Variants in CYP4V2 observed in about 807,000 individuals in gnomAD.
The protein encoded by CYP4V2 is cytochrome P450 4V2.
In CYP4V2, 55 loss-of-function variants were observed where a neutral mutation model predicts 60.8. The observed-to-expected ratio is 0.90, with a 90% confidence interval of 0.73 to 1.13. The LOEUF (loss-of-function observed/expected upper bound fraction) is 1.13, where lower values mean the gene tolerates loss of function less well. CYP4V2 is among the 50% of genes most tolerant of loss of function. CYP4V2 has a pLI of 0.00. For synonymous variants in CYP4V2, 239 were observed against 236.8 expected (o/e 1.01, Z -0.08); for missense variants, 675 against 662.9 (o/e 1.02, Z -0.20).
rs72646286 is a variant in CYP4V2, at chr4:186,206,383, G to A, written c.1090+1081G>A. Among the ~76,000 whole-genome samples the A allele has an allele frequency of 9.6e-3, 1,468 of 152,288 alleles. 8 individuals carry two copies. Among genetic ancestry groups the A allele is most frequent in the Non-Finnish European group, 0.016 (1,083 of 68,030 alleles). On this transcript the variant is annotated intron_variant, in intron 8 of 10. Transcript: ENST00000378802. ...CCAAATAGGGTAACATTTACAGATT[G>A]CAGGGATTAAGACCTGATATTTTGG...
chr4:186,193,813 C>T (rs779391827), intron 1 of CYP4V2, among the ~76,000 whole-genome samples: 4 of 152,212 alleles, frequency 2.6e-5, no homozygotes, highest in South Asian at 2.1e-4. Context: ...TTTCATTTTG[C>T]GGCTAATGTC....
At chr4:186,201,393 T>C (rs1285687344) in intron 7 of CYP4V2, 51 bp downstream of exon 7, 2 of 1,576,462 alleles carry the variant, frequency 1.3e-6, no homozygotes, top group African/African-American at 2.7e-5. Flanking sequence ...TCAGTTATTG[T>C]TAGAATCTTT....
At position 186,212,293 on chromosome 4, in the gene CYP4V2, T is replaced by G; in HGVS notation, c.*1652T>G. 6.6e-6 allele frequency: 1 copy of G among 152,200 alleles called. No individual in the cohort carries two copies. Among genetic ancestry groups the G allele is most frequent in the East Asian group, 1.9e-4 (1 of 5,190 alleles). 9.4% of individuals were successfully genotyped at this position (152,200 alleles called of 1,614,324 possible). On this transcript the variant is annotated 3_prime_UTR_variant, in exon 11 of 11. Transcript: ENST00000378802. ...GCATACTTTTGGGATTCTTCCATCT[T>G]TAAAGGAAAAAGGAAGCCATTCATC...
intron 6 of CYP4V2, among the ~76,000 whole-genome samples, chr4:186,200,369 A>G (rs1387241733): frequency 2.0e-5 from 3 of 152,202 alleles, no homozygotes; most frequent in Admixed American, 2.0e-4. Context: ...ATATCTAGTG[A>G]GTATTTGTTA....
Position 186,213,378 on chromosome 4 carries a change from A to C in CYP4V2, c.*2737A>C, listed in dbSNP as rs910731210. On this transcript the variant is annotated 3_prime_UTR_variant, in exon 11 of 11. Coordinates refer to ENST00000378802, the MANE Select transcript of CYP4V2 (RefSeq NM_207352.4). ...CATTTTATTCTAAGAATTGATATCA[A>C]TTCAAAACATAGAAAACTGTAAAAG... 2 of 152,248 alleles carry C rather than the reference A, an allele frequency of 1.3e-5. No individual in the cohort carries two copies. The highest frequency in any genetic ancestry group is 2.9e-5 in the Non-Finnish European group (2 of 68,048). The allele number at this position is 152,248 out of a possible 1,614,324, so 9.4% of individuals were successfully genotyped here.
At chr4:186,193,183 C>T (rs903006854) in intron 1 of CYP4V2, among the ~76,000 whole-genome samples, 4 of 152,194 alleles carry the variant, frequency 2.6e-5, no homozygotes, top group African/African-American at 9.7e-5. Context: ...CTAACCACCC[C>T]TTTTGTCCTA....
chr4:186,197,498 G>C, intron 4 of CYP4V2, 35 bp from the exon 5 acceptor site: 1 of 1,604,026 alleles, frequency 6.2e-7, no homozygotes, highest in Non-Finnish European at 8.5e-7. Context: ...TAACGTGCGT[G>C]AATTGAATGG....
intron 2 of CYP4V2, among the ~76,000 whole-genome samples, 170 bp downstream of exon 2, chr4:186,194,782 G>T (rs180728307): frequency 6.6e-6 from 1 of 152,170 alleles, no homozygotes; most frequent in African/African-American, 2.4e-5. Context: ...GGTATAGCCC[G>T]AATCCTGGGA....
In CYP4V2 at chr4:186,208,957, G is replaced by T. The variant is rs1156934085; in HGVS notation, c.1183G>T (p.Val395Phe). The T allele has an allele frequency of 1.4e-5, 23 of 1,614,034 alleles. No homozygotes were observed. Among genetic ancestry groups the T allele is most frequent in the Non-Finnish European group, 1.9e-5 (23 of 1,180,028 alleles). Residue 395 changes from valine to phenylalanine, a missense_variant, in exon 9 of 11, where the codon GTT becomes TTT. Val to Phe is a conservative substitution (Grantham distance 50, BLOSUM62 -1). Coordinates refer to ENST00000378802, the MANE Select transcript of CYP4V2 (RefSeq NM_207352.4). ...GGAGACCCTTCGCCTTTTTCCTTCT[G>T]TTCCTTTATTTGCCCGTAGTGTTAG... ...IKETLRLFPS[V>F]PLFARSVSED...
intron 7 of CYP4V2, chr4:186,202,759 C>T (rs1287846773): frequency 2.1e-5 from 2 of 95,092 alleles, no homozygotes; most frequent in African/African-American, 7.7e-5. Context: ...CACATACATG[C>T]ACACACAAAC....
intron 6 of CYP4V2, among the ~76,000 whole-genome samples, chr4:186,199,825 C>T (rs1228260485): frequency 6.6e-6 from 1 of 152,152 alleles, no homozygotes; most frequent in Non-Finnish European, 1.5e-5. Flanking sequence ...TGAAAATATA[C>T]ATCAAATTAT....
Position 186,199,082 on chromosome 4 carries a change from G to A in CYP4V2, c.800G>A (p.Ser267Asn), listed in dbSNP as rs992940688. 1 of 1,613,368 alleles carries A rather than the reference G, an allele frequency of 6.2e-7. No individual in the cohort carries two copies. Among genetic ancestry groups the A allele is most frequent in the Admixed American group, 1.7e-5 (1 of 60,030 alleles). ...SLQILHTFTNSVIAERANEMN... is the reference protein window; with the variant it reads ...SLQILHTFTNNVIAERANEMN... ...CAGATCCTACATACTTTTACCAACA[G>A]TGTAAGTCCCTGACTTTTACAATTG... is the stretch of plus-strand genomic sequence containing the variant. The change falls in exon 6 of 11, where the codon AGT becomes AAT. Residue 267 changes from serine to asparagine, a missense_variant and splice_region_variant. Ser to Asn is a conservative substitution (Grantham distance 46). Transcript: ENST00000378802.
chr4:186,208,250 C>A (rs139229663), intron 8 of CYP4V2, among the ~76,000 whole-genome samples: 1 of 143,628 alleles, frequency 7.0e-6, no homozygotes, highest in Non-Finnish European at 1.5e-5. Context: ...GTATTTGATG[C>A]GTATTTGATG....
In CYP4V2 at chr4:186,199,724, T is replaced by C. The variant is rs547228939; in HGVS notation, c.801+641T>C. ...CTAGATATTAGTATTCTATTTCCAA[T>C]TCAAAAATAACCAGAAGATAGTGAT... On this transcript the variant is annotated intron_variant, in intron 6 of 10. Transcript: ENST00000378802. Among the ~76,000 whole-genome samples the C allele has an allele frequency of 3.3e-5, 5 of 152,356 alleles. No homozygotes were observed. The East Asian group carries it at 7.7e-4, about 23-fold the overall frequency.
At position 186,199,102 on chromosome 4, in the gene CYP4V2, C is replaced by G. The variant is rs1736235377; in HGVS notation, c.801+19C>G. The stretch of plus-strand genomic sequence containing the variant: ...CAACAGTGTAAGTCCCTGACTTTTA[C>G]AATTGTGGTAAAATAGACATAACAT... On this transcript the variant is annotated intron_variant, in intron 6 of 10. Transcript: ENST00000378802. The G allele has an allele frequency of 6.2e-7, 1 of 1,609,930 alleles. No individual in the cohort carries two copies.
intron 5 of CYP4V2, 132 bp from the exon 6 acceptor site, chr4:186,198,825 G>A: frequency 7.4e-7 from 1 of 1,354,376 alleles, no homozygotes; most frequent in Non-Finnish European, 1.0e-6. Flanking sequence ...ATAAAACATG[G>A]AGCTCTTAGT....
At chr4:186,205,454 C>T in intron 8 of CYP4V2, 152 bp downstream of exon 8, 2 of 813,472 alleles carry the variant, frequency 2.5e-6, no homozygotes, top group Admixed American at 3.9e-5. Flanking sequence ...CATTCACTCA[C>T]AGGCCTCTGC....
At chr4:186,200,046 C>T (rs1736262996) in intron 6 of CYP4V2, among the ~76,000 whole-genome samples, 1 of 151,722 alleles carries the variant, frequency 6.6e-6, no homozygotes, top group Non-Finnish European at 1.5e-5. Flanking sequence ...GGAGAATAGC[C>T]AGCAGGTTAT....
chr4:186,209,825 A>T (rs1217386410), intron 10 of CYP4V2, among the ~76,000 whole-genome samples: 1 of 152,254 alleles, frequency 6.6e-6, no homozygotes, highest in East Asian at 1.9e-4. Context: ...CCATAACATA[A>T]AACATAATTA....
Sources: gnomAD v4.1 joint callset for allele counts (sites outside exome capture counted in the v4.1 genomes callset) on GRCh38, gnomAD v4.1.1 for gene constraint, MANE v1.5 for transcripts, NCBI Gene and HGNC (gene_info 2026-07-23, HGNC 2026-07-21) for gene names.